Variants in CTCF observed in about 807,000 individuals in gnomAD.
CTCF encodes the protein CCCTC-binding factor, also known as transcriptional repressor CTCF.
CTCF carries 7 observed loss-of-function variants against 72.3 expected under a neutral mutation model. The ratio of observed to expected loss-of-function variants is 0.10; its 90% confidence interval spans 0.06 to 0.18. The LOEUF (loss-of-function observed/expected upper bound fraction) is 0.18, where lower values mean the gene tolerates loss of function less well. Ranked by LOEUF, CTCF falls within the 10% of genes least tolerant of loss-of-function variation. The pLI is 1.00. For synonymous variants in CTCF, 374 were observed against 315.8 expected (o/e 1.18, Z -1.95); for missense variants, 516 against 949.1 (o/e 0.54, Z 6.00).
intron 2 of CTCF, among the ~76,000 whole-genome samples, chr16:67,610,037 A>G (rs2052038708): frequency 6.6e-6 from 1 of 152,150 alleles, no homozygotes; most frequent in African/African-American, 2.4e-5. Context: ...CCCAGTAGTG[A>G]CAACCAAAAA....
chr16:67,629,125 G>A (rs929790953), intron 9 of CTCF, among the ~76,000 whole-genome samples: 1 of 139,800 alleles, frequency 7.2e-6, no homozygotes, highest in Non-Finnish European at 1.6e-5. Context: ...GCTAGCTGTA[G>A]CCTGTTCTGG....
At chr16:67,595,150 CG>C (rs1567601268) in intron 2 of CTCF, among the ~76,000 whole-genome samples, 1 of 152,088 alleles carries the variant, frequency 6.6e-6, no homozygotes, top group Non-Finnish European at 1.5e-5. Context: ...TTTAATGTGG[CG>C]TCAATATTCT....
chr16:67,631,595 C>T (rs2052365868), intron 10 of CTCF, among the ~76,000 whole-genome samples: 1 of 151,896 alleles, frequency 6.6e-6, no homozygotes, highest in Non-Finnish European at 1.5e-5. Flanking sequence ...GCCACTGCAC[C>T]CAGCTACTTT....
intron 2 of CTCF, among the ~76,000 whole-genome samples, chr16:67,596,929 AT>A (rs1719505622): frequency 6.6e-6 from 1 of 152,054 alleles, no homozygotes; most frequent in African/African-American, 2.4e-5. Context: ...AATCTCAATC[AT>A]TTCCTCTGAT....
At chr16:67,585,980 C>A (rs916309955) in intron 2 of CTCF, among the ~76,000 whole-genome samples, 3 of 152,170 alleles carry the variant, frequency 2.0e-5, no homozygotes, top group Non-Finnish European at 4.4e-5. Flanking sequence ...GCCCTCCACC[C>A]TACCCCCATG....
At chr16:67,637,020 A>T (rs2052440218) in intron 11 of CTCF, among the ~76,000 whole-genome samples, 169 bp downstream of exon 11, 1 of 152,122 alleles carries the variant, frequency 6.6e-6, no homozygotes, top group South Asian at 2.1e-4. Flanking sequence ...TTACTGAGGA[A>T]CATCTGAGGA....
At chr16:67,587,772 AAAAAGAC>A (rs1227704391) in intron 2 of CTCF, among the ~76,000 whole-genome samples, 1 of 152,132 alleles carries the variant, frequency 6.6e-6, no homozygotes, top group Non-Finnish European at 1.5e-5. Context: ...AAAAAGGGGG[AAAAAGAC>A]AAAAGACTCA....
intron 2 of CTCF, among the ~76,000 whole-genome samples, chr16:67,591,952 A>G (rs993080286): frequency 1.3e-5 from 2 of 151,902 alleles, no homozygotes; most frequent in Non-Finnish European, 2.9e-5. Flanking sequence ...GGCTCAAACG[A>G]TTCTCTTGGC....
chr16:67,584,219 G>A (rs562646711), intron 2 of CTCF, among the ~76,000 whole-genome samples: 1 of 151,774 alleles, frequency 6.6e-6, no homozygotes, highest in South Asian at 2.1e-4. Context: ...CTACTCGGGA[G>A]ACTGAAGCAG....
rs1434608955 is a variant in CTCF at position 67,628,540 on chromosome 16, A to G, written c.1689A>G (p.Thr563=). The G allele has an allele frequency of 1.2e-6, 2 of 1,614,022 alleles. No individual in the cohort carries two copies. The highest frequency in any genetic ancestry group is 1.7e-6 in the Non-Finnish European group (2 of 1,179,894). ...TTGTCTGTTCTAAGTGTGGGAAAAC[A>G]TTTACACGTCGGGTAAGGGTCAGAA... The part of the protein sequence containing the change: ...AAFVCSKCGK[T]FTRRNTMARH... The change falls in exon 9 of 12, where the codon ACA becomes ACG. Residue 563 remains threonine, a synonymous_variant. Coordinates refer to ENST00000264010, the MANE Select transcript of CTCF (RefSeq NM_006565.4).
At chr16:67,596,926 A>T (rs929945733) in intron 2 of CTCF, among the ~76,000 whole-genome samples, 1 of 152,142 alleles carries the variant, frequency 6.6e-6, no homozygotes, top group Non-Finnish European at 1.5e-5. Context: ...TAAAATCTCA[A>T]TCATTTCCTC....
chr16:67,632,284 C>A (rs149992147), intron 10 of CTCF, among the ~76,000 whole-genome samples: 1 of 152,140 alleles, frequency 6.6e-6, no homozygotes, highest in Admixed American at 6.6e-5. Context: ...TGTGGTTCAT[C>A]TCCAGGAAGA....
intron 10 of CTCF, among the ~76,000 whole-genome samples, chr16:67,632,074 C>CAAA (rs556248338): frequency 2.1e-5 from 2 of 96,364 alleles, no homozygotes; most frequent in Non-Finnish European, 2.1e-5. Flanking sequence ...ACCCTGTCTC[C>CAAA]AAAAAAAAAA....
chr16:67,636,293 A>T (rs1347477699), intron 10 of CTCF, among the ~76,000 whole-genome samples: 1 of 150,814 alleles, frequency 6.6e-6, no homozygotes, highest in East Asian at 1.9e-4. Context: ...GGAGAATTAA[A>T]CCCAGGTTGC....
At chr16:67,598,345 ATC>A (rs1205711102) in intron 2 of CTCF, among the ~76,000 whole-genome samples, 3 of 152,238 alleles carry the variant, frequency 2.0e-5, no homozygotes, top group African/African-American at 7.2e-5. Context: ...TTTTTCTTGT[ATC>A]TTTTTATGTT....
At chr16:67,624,918 ATGTGTGCT>A (rs1321620334) in intron 7 of CTCF, among the ~76,000 whole-genome samples, 45 of 150,658 alleles carry the variant, frequency 3.0e-4, no homozygotes, top group Non-Finnish European at 3.0e-5. Flanking sequence ...CTTTGTGTGT[ATGTGTGCT>A]TGTGTGCTTT....
chr16:67,603,913 G>C (rs1304388459), intron 2 of CTCF, among the ~76,000 whole-genome samples: 1 of 151,250 alleles, frequency 6.6e-6, no homozygotes, highest in African/African-American at 2.4e-5. Flanking sequence ...CAGATGACTT[G>C]AGCCCAGGAG....
At position 67,600,972 on chromosome 16, in the gene CTCF, A is replaced by G. The variant is rs1230005736; in HGVS notation, c.-9-9852A>G. Among the ~76,000 whole-genome samples, 3 of 152,154 alleles carry G rather than the reference A, an allele frequency of 2.0e-5. 1 individual carries two copies. The highest frequency in any genetic ancestry group is 4.4e-5 in the Non-Finnish European group (3 of 68,028). On this transcript the variant is annotated intron_variant, in intron 2 of 11. Transcript: ENST00000264010. ...TCAAGCAAGCATAGAGCCAAAAAAT[A>G]TGTAGGAATTAGAGTGAGTGGGTAT...
chr16:67,595,047 A>C (rs1264388653), intron 2 of CTCF, among the ~76,000 whole-genome samples: 1 of 152,160 alleles, frequency 6.6e-6, no homozygotes, highest in Non-Finnish European at 1.5e-5. Context: ...AACTGTACAG[A>C]GCTCTGGGAG....
Sources: allele counts gnomAD v4.1 joint callset (sites outside exome capture counted in the v4.1 genomes callset), GRCh38; gene constraint gnomAD v4.1.1; transcripts MANE v1.5; gene names NCBI Gene and HGNC (gene_info 2026-07-23, HGNC 2026-07-21).